RCBTB2: variants seen among roughly 807,000 people sequenced by gnomAD.
RCBTB2 encodes RCC1 and BTB domain containing protein 2.
A neutral mutation model predicts 65.4 loss-of-function variants in RCBTB2; 55 were observed. The observed-to-expected ratio is 0.84, with a 90% CI of 0.68 to 1.05. The LOEUF is 1.05. Among genes scored for constraint, RCBTB2 ranks in the 50% least tolerant of loss-of-function variants. RCBTB2 has a pLI of 0.00. For synonymous variants in RCBTB2, 220 were observed against 255.2 expected (o/e 0.86, Z 1.31); for missense variants, 599 against 680.1 (o/e 0.88, Z 1.33).
rs1185685021 is a variant in RCBTB2, at chr13:48,522,453, A to C, written c.-119-50T>G. The C allele has an allele frequency of 9.5e-6, 8 of 842,500 alleles. No individual in the cohort carries two copies. The Admixed American group carries it at 1.6e-4, about 16-fold the overall frequency. The allele number at this position is 842,500 out of a possible 1,614,324, so 52.2% of individuals were successfully genotyped here. Reference sequence around the variant, plus strand: ...ATGAAAATGATGAAAAAAATGAATGAATGAATGTGGCTTTGTTATTCTGGA... The same window carrying C: ...ATGAAAATGATGAAAAAAATGAATGCATGAATGTGGCTTTGTTATTCTGGA... On this transcript the variant is annotated intron_variant, in intron 2 of 14. Transcript: ENST00000344532.
upstream of RCBTB2, among the ~76,000 whole-genome samples, chr13:48,535,151 T>C (rs1339041058): frequency 6.6e-6 from 1 of 152,208 alleles, no homozygotes; most frequent in Non-Finnish European, 1.5e-5. Flanking sequence ...TCCTTGATTA[T>C]ATGTCCCCTA....
At chr13:48,512,307 C>T in intron 7 of RCBTB2, 133 bp from the exon 8 acceptor site, 1 of 714,098 alleles carries the variant, frequency 1.4e-6, no homozygotes. Flanking sequence ...ACAACACAGG[C>T]AGAGAAGTGT....
In RCBTB2 at chr13:48,495,149, A is replaced by G. The variant is rs546986218; in HGVS notation, c.1515+1042T>C. Among the ~76,000 whole-genome samples the G allele has an allele frequency of 5.3e-5, 8 of 152,324 alleles. No homozygotes were observed. In the South Asian group the frequency reaches 1.7e-3, roughly 32 times the overall value. ...TTATACCAAAAGGAAACTGACTCGAAGATGTTACAGCCTGTTTCCTAAAGA... is the reference window on the plus strand; with the variant it reads ...TTATACCAAAAGGAAACTGACTCGAGGATGTTACAGCCTGTTTCCTAAAGA... On this transcript the variant is annotated intron_variant, in intron 14 of 14. Coordinates refer to ENST00000344532, the MANE Select transcript of RCBTB2 (RefSeq NM_001268.4).
chr13:48,503,036 G>GA, intron 10 of RCBTB2, 122 bp from the exon 11 acceptor site: 1 of 1,143,338 alleles, frequency 8.7e-7, no homozygotes, highest in Non-Finnish European at 1.2e-6. Context: ...TCAGGAAAAG[G>GA]AAAAAACAAA....
chr13:48,498,506 G>A (rs1000751557), intron 13 of RCBTB2, among the ~76,000 whole-genome samples: 7 of 152,128 alleles, frequency 4.6e-5, no homozygotes, highest in East Asian at 1.9e-4. Context: ...CAAGATGGGC[G>A]GATCACCTGA....
chr13:48,510,793 C>A, intron 9 of RCBTB2, 22 bp from the exon 10 acceptor site: 1 of 1,604,152 alleles, frequency 6.2e-7, no homozygotes, highest in African/African-American at 1.3e-5. Context: ...AAAATCCACT[C>A]AGGACTGCAA....
chr13:48,510,622 G>T lies in RCBTB2; in HGVS notation c.926+7C>A. On this transcript the variant is annotated splice_region_variant and intron_variant, in intron 10 of 14. Transcript: ENST00000344532. ...CAGTGTGGGGACTGTGAAAATGCCC[G>T]TGTTACCTGTCCTTTTCCACAGTGA... 6.2e-7 allele frequency: 1 copy of T among 1,613,524 alleles called. No homozygotes were observed. Among genetic ancestry groups the T allele is most frequent in the Non-Finnish European group, 8.5e-7 (1 of 1,179,678 alleles).
intron 4 of RCBTB2, among the ~76,000 whole-genome samples, chr13:48,520,844 G>C (rs775275059): frequency 6.6e-6 from 1 of 152,014 alleles, no homozygotes; most frequent in Non-Finnish European, 1.5e-5. Context: ...TAGCAAAAAA[G>C]AGTTAAGAAA....
intron 12 of RCBTB2, 94 bp from the exon 13 acceptor site, chr13:48,499,854 G>A: frequency 1.4e-6 from 2 of 1,403,106 alleles, no homozygotes; most frequent in South Asian, 1.3e-5. Flanking sequence ...GGTGCACGCT[G>A]GCACGTCCCT....
At chr13:48,501,475 G>C (rs1950229338) in intron 12 of RCBTB2, among the ~76,000 whole-genome samples, 1 of 152,152 alleles carries the variant, frequency 6.6e-6, no homozygotes, top group Non-Finnish European at 1.5e-5. Context: ...GACACACTTG[G>C]AGCGTGCGCT....
chr13:48,535,718 A>G (rs1287012185), upstream of RCBTB2: 4 of 456,630 alleles, frequency 8.8e-6, no homozygotes, highest in East Asian at 2.1e-4. Context: ...ATTTGCTTAC[A>G]GCTGCCATCT....
Position 48,498,544 on chromosome 13 carries a change from A to G in RCBTB2, c.1384+1077T>C, listed in dbSNP as rs1390708695. On this transcript the variant is annotated intron_variant, in intron 13 of 14. Transcript: ENST00000344532. Reference sequence around the variant, plus strand: ...TCGGGAGTTCAAGACCAGCCTGACCAACACGGAGAAACCTCGTTTCTACTA... The same window carrying G: ...TCGGGAGTTCAAGACCAGCCTGACCGACACGGAGAAACCTCGTTTCTACTA... 2.6e-5 allele frequency among the ~76,000 whole-genome samples: 4 copies of G among 152,130 alleles called. No individual in the cohort carries two copies. The East Asian group carries it at 7.7e-4, about 29-fold the overall frequency.
chr13:48,533,895 T>A (rs1952310790), upstream of RCBTB2, among the ~76,000 whole-genome samples: 1 of 152,200 alleles, frequency 6.6e-6, no homozygotes, highest in Admixed American at 6.5e-5. Flanking sequence ...TACTGGCTGT[T>A]TCATGAGGAC....
Position 48,515,749 on chromosome 13 carries a change from G to A in RCBTB2, c.43-8C>T. 1 of 1,586,148 alleles carries A rather than the reference G, an allele frequency of 6.3e-7. No homozygotes were observed. The highest frequency in any genetic ancestry group is 2.0e-5 in the Admixed American group (1 of 50,790). ...CAGAGTAGCCTGTACTGGCTGAAAA[G>A]GAAAAAATATATGTTGAAATGACAA... is the stretch of plus-strand genomic sequence containing the variant. On this transcript the variant is annotated splice_polypyrimidine_tract_variant and splice_region_variant and intron_variant, in intron 4 of 14. Coordinates refer to ENST00000344532, the MANE Select transcript of RCBTB2 (RefSeq NM_001268.4).
intron 2 of RCBTB2, among the ~76,000 whole-genome samples, chr13:48,523,301 C>T (rs1325948312): frequency 4.6e-5 from 7 of 152,212 alleles, no homozygotes; most frequent in Non-Finnish European, 8.8e-5. Context: ...TGGGCTGGGA[C>T]CTCTTCTCTG....
At chr13:48,526,103 T>C (rs1375761778) in intron 1 of RCBTB2, among the ~76,000 whole-genome samples, 1 of 152,314 alleles carries the variant, frequency 6.6e-6, no homozygotes, top group East Asian at 1.9e-4. Flanking sequence ...AGATTAAGGT[T>C]ACCCAATGTT....
chr13:48,501,754 A>C lies in RCBTB2; in HGVS notation c.1232T>G (p.Leu411Arg). 1 of 1,611,432 alleles carries C rather than the reference A, an allele frequency of 6.2e-7. No homozygotes were observed. Among genetic ancestry groups the C allele is most frequent in the Non-Finnish European group, 8.5e-7 (1 of 1,178,290 alleles). ...DGKYIYAHKVLLKIRCEHFRS... is the reference protein window; with the variant it reads ...DGKYIYAHKVRLKIRCEHFRS... ...AATGATTCCTTACCGAATCTTGAGAAGGACTTTATGTGCATAAATGTACTT... is the reference window on the plus strand; with the variant it reads ...AATGATTCCTTACCGAATCTTGAGACGGACTTTATGTGCATAAATGTACTT... Residue 411 changes from leucine to arginine, a missense_variant, in exon 12 of 15, where the codon CTT becomes CGT. Coordinates refer to ENST00000344532, the MANE Select transcript of RCBTB2 (RefSeq NM_001268.4).
chr13:48,512,508 G>A (rs2138543025), intron 7 of RCBTB2, among the ~76,000 whole-genome samples: 1 of 152,240 alleles, frequency 6.6e-6, no homozygotes, highest in South Asian at 2.1e-4. Context: ...CAACAGAGAA[G>A]GAACAATACC....
Position 48,489,875 on chromosome 13 carries a change from G to C in RCBTB2, c.*236C>G, listed in dbSNP as rs1949624445. The C allele has an allele frequency of 1.9e-6, 1 of 533,876 alleles. No individual in the cohort carries two copies. Among genetic ancestry groups the C allele is most frequent in the South Asian group, 2.3e-5 (1 of 43,146 alleles). The allele number at this position is 533,876 out of a possible 1,614,324, so 33.1% of individuals were successfully genotyped here. On this transcript the variant is annotated 3_prime_UTR_variant, in exon 15 of 15. Coordinates refer to ENST00000344532, the MANE Select transcript of RCBTB2 (RefSeq NM_001268.4). ...CTCAAAAAGAGGAAATGGTAAATAAGATATTTCAATTTTTTTTCCTTGACC... is the reference window on the plus strand; with the variant it reads ...CTCAAAAAGAGGAAATGGTAAATAACATATTTCAATTTTTTTTCCTTGACC...
Sources: allele counts gnomAD v4.1 joint callset (sites outside exome capture counted in the v4.1 genomes callset), GRCh38; gene constraint gnomAD v4.1.1; transcripts MANE v1.5; gene names NCBI Gene and HGNC (gene_info 2026-07-23, HGNC 2026-07-21).